Variants in RANBP2 observed in about 807,000 individuals in gnomAD.
RANBP2 encodes the protein E3 SUMO-protein ligase RanBP2.
RANBP2 carries 57 observed loss-of-function variants against 303.6 expected under a neutral mutation model. The ratio of observed to expected loss-of-function variants is 0.19; its 90% CI spans 0.15 to 0.23. The LOEUF (loss-of-function observed/expected upper bound fraction) is 0.23, where lower values mean the gene tolerates loss of function less well. Ranked by LOEUF, RANBP2 falls within the 10% of genes least tolerant of loss-of-function variation. RANBP2 has a pLI of 1.00. For synonymous variants in RANBP2, 1,167 were observed against 1,301.5 expected, an observed-to-expected ratio of 0.90 and a Z score of 2.23; for missense variants, 3,138 against 3,780.8, an observed-to-expected ratio of 0.83 and a Z score of 4.46.
chr2:108,899,971 G>A, the RANBP2 span, among the ~76,000 whole-genome samples: 9 of 152,198 alleles, frequency 5.9e-5, no homozygotes, highest in African/African-American at 1.9e-4. Flanking sequence ...GGGTGGCAGA[G>A]TAAAACTCCA....
intron 6 of RANBP2, 79 bp from the exon 7 acceptor site, chr2:108,740,410 T>G: frequency 6.3e-7 from 1 of 1,585,100 alleles, no homozygotes; most frequent in Non-Finnish European, 8.5e-7. Context: ...AAATTTTTAT[T>G]TTGTTTTGAA....
At chr2:109,064,479 A>AAAAAAAAC in the RANBP2 span, among the ~76,000 whole-genome samples, 1 of 140,964 alleles carries the variant, frequency 7.1e-6, no homozygotes, top group African/African-American at 2.7e-5. Flanking sequence ...AAACAAAAAC[A>AAAAAAAAC]AACTGGTAAA....
At chr2:109,740,335 C>G in the RANBP2 span, among the ~76,000 whole-genome samples, 76 of 152,112 alleles carry the variant, frequency 5.0e-4, no homozygotes, top group African/African-American at 1.7e-3. Flanking sequence ...AACAAAGCAT[C>G]AAAATATAAC....
the RANBP2 span, among the ~76,000 whole-genome samples, chr2:109,557,074 G>A: frequency 2.4e-4 from 36 of 152,096 alleles, 1 homozygote; most frequent in African/African-American, 8.7e-4. Flanking sequence ...TAATGTAAAT[G>A]ATGAGTTAAT....
chr2:109,658,535 G>T, the RANBP2 span, among the ~76,000 whole-genome samples: 3 of 152,160 alleles, frequency 2.0e-5, no homozygotes, highest in Admixed American at 2.0e-4. Flanking sequence ...GATCCTTTCA[G>T]AACAAGGTTG....
intron 28 of RANBP2, 49 bp downstream of exon 28, chr2:108,782,911 C>T (rs755337769): frequency 6.8e-7 from 1 of 1,476,258 alleles, no homozygotes; most frequent in Non-Finnish European, 9.4e-7. Context: ...AAGAGTGCAC[C>T]ACACTAATGG....
At chr2:109,036,044 C>T in the RANBP2 span, among the ~76,000 whole-genome samples, 18 of 152,284 alleles carry the variant, frequency 1.2e-4, no homozygotes, top group African/African-American at 3.9e-4. Context: ...CCACTGAAAA[C>T]GCCCTTCAGG....
the RANBP2 span, chr2:109,574,773 A>C: frequency 1.3e-5 from 21 of 1,559,552 alleles, no homozygotes; most frequent in Middle Eastern, 5.2e-4. Flanking sequence ...GGTAGCTGAA[A>C]AATTATTTAA....
At chr2:109,545,918 C>T in the RANBP2 span, 1 of 1,451,206 alleles carries the variant, frequency 6.9e-7, no homozygotes, top group Non-Finnish European at 9.2e-7. Context: ...CTCTCCTCTC[C>T]AGGAGCTGAC....
chr2:108,846,579 A>G, the RANBP2 span: 1 of 164,208 alleles, frequency 6.1e-6, no homozygotes, highest in Non-Finnish European at 1.3e-5. Context: ...TGGGAGGCTG[A>G]GGTAGGAGGA....
the RANBP2 span, among the ~76,000 whole-genome samples, chr2:109,404,179 A>G: frequency 1.3e-5 from 2 of 152,136 alleles, no homozygotes; most frequent in Admixed American, 1.3e-4. Flanking sequence ...GGGGAAGTAA[A>G]GGAAGGAGAA....
At chr2:108,786,252 C>CTTT (rs5833304), downstream of RANBP2, among the ~76,000 whole-genome samples, 529 of 136,078 alleles carry the variant, frequency 3.9e-3, 5 homozygotes, top group African/African-American at 9.1e-3. Flanking sequence ...TCAGCTTTCC[C>CTTT]TTTTTTTTTT....
At chr2:109,075,420 T>G in the RANBP2 span, among the ~76,000 whole-genome samples, 2 of 150,408 alleles carry the variant, frequency 1.3e-5, no homozygotes, top group Admixed American at 1.3e-4. Flanking sequence ...GAGACGGGGT[T>G]TCACCATGTT....
chr2:109,671,729 G>A, the RANBP2 span, among the ~76,000 whole-genome samples: 21 of 152,240 alleles, frequency 1.4e-4, no homozygotes, highest in African/African-American at 4.6e-4. Context: ...GGGAAAAAAG[G>A]TATGGCACCT....
chr2:109,030,341 C>T, the RANBP2 span, among the ~76,000 whole-genome samples: 2 of 152,310 alleles, frequency 1.3e-5, no homozygotes, highest in Non-Finnish European at 2.9e-5. Context: ...CGTAAAATTC[C>T]TTAGAATTCT....
chr2:109,699,702 G>A, the RANBP2 span, among the ~76,000 whole-genome samples: 4 of 152,146 alleles, frequency 2.6e-5, no homozygotes, highest in Non-Finnish European at 4.4e-5. Flanking sequence ...GGCAGAGGCC[G>A]AAGAAAATCC....
the RANBP2 span, among the ~76,000 whole-genome samples, chr2:109,547,444 C>T: frequency 1.3e-5 from 2 of 150,276 alleles, no homozygotes; most frequent in South Asian, 2.1e-4. Context: ...TTATTCTTCC[C>T]GTATACAACT....
At chr2:109,536,393 A>C in the RANBP2 span, among the ~76,000 whole-genome samples, 4 of 152,206 alleles carry the variant, frequency 2.6e-5, no homozygotes, top group African/African-American at 9.6e-5. Context: ...TGGAGCTTTA[A>C]GATTTGACTG....
At chr2:109,613,721 G>T in the RANBP2 span, 1 of 964,282 alleles carries the variant, frequency 1.0e-6, no homozygotes. Context: ...GGACCAGGGG[G>T]CCGGTGGGTC....
Sources: allele counts gnomAD v4.1 joint callset (sites outside exome capture counted in the v4.1 genomes callset), GRCh38; gene constraint gnomAD v4.1.1; transcripts MANE v1.5; gene names NCBI Gene and HGNC (gene_info 2026-07-23, HGNC 2026-07-21).